TMTC2: variants seen among roughly 807,000 people sequenced by gnomAD.
The protein encoded by TMTC2 is protein O-mannosyl-transferase TMTC2.
Under a neutral mutation model 82.4 loss-of-function variants are expected in TMTC2, and 43 were observed. The observed-to-expected ratio is 0.52, with a 90% CI of 0.41 to 0.67. TMTC2 has a LOEUF of 0.67. Among genes scored for constraint, TMTC2 ranks in the 30% least tolerant of loss-of-function variants. The pLI is 0.00. For synonymous variants in TMTC2, 408 were observed against 381.9 expected (o/e 1.07, Z -0.80); for missense variants, 919 against 1,012.4 (o/e 0.91, Z 1.25).
At chr12:83,105,152 T>A (rs1336356220) in intron 11 of TMTC2, among the ~76,000 whole-genome samples, 1 of 152,214 alleles carries the variant, frequency 6.6e-6, no homozygotes, top group East Asian at 1.9e-4. Flanking sequence ...TCACGGTCCG[T>A]ATTACCATCA....
intron 1 of TMTC2, among the ~76,000 whole-genome samples, chr12:82,786,395 A>G (rs1209208618): frequency 6.6e-6 from 1 of 152,064 alleles, no homozygotes; most frequent in Non-Finnish European, 1.5e-5. Context: ...TGCCCAATAA[A>G]TTGTAATGGC....
intron 10 of TMTC2, among the ~76,000 whole-genome samples, chr12:83,059,434 A>G (rs1297256355): frequency 6.6e-6 from 1 of 151,720 alleles, no homozygotes; most frequent in Non-Finnish European, 1.5e-5. Context: ...TCTTTTCCCT[A>G]CAGTTTTCCA....
At chr12:82,955,208 T>C (rs2137285779) in intron 4 of TMTC2, among the ~76,000 whole-genome samples, 1 of 152,306 alleles carries the variant, frequency 6.6e-6, no homozygotes, top group Non-Finnish European at 1.5e-5. Context: ...GCCAGTTACA[T>C]TCCCCAAGTT....
At chr12:82,928,698 C>G (rs1875856379) in intron 3 of TMTC2, among the ~76,000 whole-genome samples, 1 of 152,130 alleles carries the variant, frequency 6.6e-6, no homozygotes, top group Non-Finnish European at 1.5e-5. Context: ...TTTACAAATT[C>G]TTTAGTGCCT....
chr12:82,933,389 A>G (rs1876147516), intron 4 of TMTC2, among the ~76,000 whole-genome samples: 1 of 152,176 alleles, frequency 6.6e-6, no homozygotes, highest in Non-Finnish European at 1.5e-5. Context: ...TTGCATAGGT[A>G]GAAAAAAGAA....
chr12:82,768,473 C>T (rs1177575252), intron 1 of TMTC2, among the ~76,000 whole-genome samples: 2 of 152,138 alleles, frequency 1.3e-5, no homozygotes, highest in Non-Finnish European at 2.9e-5. Flanking sequence ...AGTGTGCGTC[C>T]CATCTTCCAT....
At chr12:82,794,789 C>G (rs1452625507) in intron 1 of TMTC2, among the ~76,000 whole-genome samples, 1 of 152,006 alleles carries the variant, frequency 6.6e-6, no homozygotes, top group Non-Finnish European at 1.5e-5. Flanking sequence ...TGATGTAAGT[C>G]GCAGTTTTGC....
intron 1 of TMTC2, among the ~76,000 whole-genome samples, chr12:82,787,116 A>G (rs1878214619): frequency 6.6e-6 from 1 of 152,064 alleles, no homozygotes; most frequent in South Asian, 2.1e-4. Flanking sequence ...CCCAGTATGG[A>G]AACTGGTGAA....
intron 1 of TMTC2, among the ~76,000 whole-genome samples, chr12:82,739,357 A>G (rs551118705): frequency 6.6e-6 from 1 of 152,172 alleles, no homozygotes; most frequent in Admixed American, 6.5e-5. Context: ...GTGTGGCCAT[A>G]TGATTTAGTT....
rs1592652011 is a variant in TMTC2 at position 82,951,432 on chromosome 12, A to C, written c.1599-13592A>C. ...CAGCCTCCTGAATAGCTGGGACTAC[A>C]GGCACATGCCGCCACGCCCAGCTAT... On this transcript the variant is annotated intron_variant, in intron 4 of 11. Coordinates refer to ENST00000321196, the MANE Select transcript of TMTC2 (RefSeq NM_152588.3). Among the ~76,000 whole-genome samples, 3 of 152,252 alleles carry C rather than the reference A, an allele frequency of 2.0e-5. No individual in the cohort carries two copies. The South Asian group carries it at 6.2e-4, about 32-fold the overall frequency.
At chr12:82,890,787 CT>C (rs923271137) in intron 2 of TMTC2, among the ~76,000 whole-genome samples, 1 of 151,948 alleles carries the variant, frequency 6.6e-6, no homozygotes, top group African/African-American at 2.4e-5. Context: ...CAGAGTCTCT[CT>C]TTTTTTTATG....
chr12:82,921,621 A>G (rs972720501), intron 3 of TMTC2, among the ~76,000 whole-genome samples: 4 of 152,184 alleles, frequency 2.6e-5, no homozygotes, highest in African/African-American at 9.7e-5. Flanking sequence ...TATTTTGTTT[A>G]AAACAGGAAT....
At chr12:82,832,152 C>G (rs74655538) in intron 1 of TMTC2, among the ~76,000 whole-genome samples, 1 of 152,096 alleles carries the variant, frequency 6.6e-6, no homozygotes. Flanking sequence ...TTTCTTTTCA[C>G]GGACTCAAAC....
intron 8 of TMTC2, among the ~76,000 whole-genome samples, chr12:82,987,736 A>C (rs778375018): frequency 5.9e-5 from 9 of 152,106 alleles, no homozygotes; most frequent in African/African-American, 1.9e-4. Flanking sequence ...GCTTTGGGCC[A>C]ATGGAAGAGC....
At chr12:82,996,345 C>T (rs967942186) in intron 8 of TMTC2, among the ~76,000 whole-genome samples, 3 of 152,176 alleles carry the variant, frequency 2.0e-5, no homozygotes, top group Non-Finnish European at 2.9e-5. Flanking sequence ...TGACCTTTAT[C>T]TGGTAAACAT....
At chr12:82,717,090 G>T (rs181339126) in intron 1 of TMTC2, among the ~76,000 whole-genome samples, 1 of 152,110 alleles carries the variant, frequency 6.6e-6, no homozygotes, top group Non-Finnish European at 1.5e-5. Context: ...TATCACCTCT[G>T]CCTTTGTGTG....
At chr12:83,065,072 G>A (rs1015328863) in intron 11 of TMTC2, among the ~76,000 whole-genome samples, 2 of 151,764 alleles carry the variant, frequency 1.3e-5, no homozygotes, top group African/African-American at 2.4e-5. Context: ...AGCTGTATGT[G>A]GGAGATTCTG....
intron 4 of TMTC2, among the ~76,000 whole-genome samples, chr12:82,961,192 CTATTATTATTAT>C (rs139490507): frequency 0.068 from 10,005 of 146,114 alleles, 566 homozygotes; most frequent in African/African-American, 0.16. Context: ...TTCTCTGCCA[CTATTATTATTAT>C]TATTATTATT....
intron 11 of TMTC2, among the ~76,000 whole-genome samples, chr12:83,077,285 G>A (rs1883311601): frequency 6.6e-6 from 1 of 152,158 alleles, no homozygotes; most frequent in Non-Finnish European, 1.5e-5. Flanking sequence ...ATGCCTGGAG[G>A]ATAGGCACTT....
Sources: gnomAD v4.1 joint callset for allele counts (sites outside exome capture counted in the v4.1 genomes callset) on GRCh38, gnomAD v4.1.1 for gene constraint, MANE v1.5 for transcripts, NCBI Gene and HGNC (gene_info 2026-07-23, HGNC 2026-07-21) for gene names.